Variants in IL1RAPL1 observed in about 807,000 individuals in gnomAD.
IL1RAPL1 encodes the protein interleukin-1 receptor accessory protein-like 1.
IL1RAPL1 carries 3 observed loss-of-function variants against 48.4 expected under a neutral mutation model. The ratio of observed to expected loss-of-function variants is 0.06; its 90% CI spans 0.03 to 0.16. IL1RAPL1 has a LOEUF of 0.16. IL1RAPL1 is among the 10% of genes least tolerant of loss of function. The pLI is 1.00. For synonymous variants in IL1RAPL1, 185 were observed against 187.7 expected, an observed-to-expected ratio of 0.99 and a Z score of 0.12; for missense variants, 349 against 530.6, an observed-to-expected ratio of 0.66 and a Z score of 3.36.
chrX:29,119,626 A>G (rs768579006), intron 2 of IL1RAPL1, among the ~76,000 whole-genome samples: 36 of 111,652 alleles, frequency 3.2e-4, no homozygotes, highest in African/African-American at 1.1e-3. Flanking sequence ...GTTCCAGGGT[A>G]CAAAAACCTG....
At chrX:29,014,910 C>T (rs1926206252) in intron 2 of IL1RAPL1, among the ~76,000 whole-genome samples, 1 of 111,297 alleles carries the variant, frequency 9.0e-6, no homozygotes, top group Non-Finnish European at 1.9e-5. Flanking sequence ...GACATAGTTG[C>T]TGCTAGTGCC....
At chrX:29,616,705 A>G (rs1471815463) in intron 5 of IL1RAPL1, among the ~76,000 whole-genome samples, 1 of 110,843 alleles carries the variant, frequency 9.0e-6, no homozygotes, top group Non-Finnish European at 1.9e-5. Context: ...AGGAAAGTCT[A>G]TCCCATAGTA....
chrX:29,333,289 CA>C (rs1463217297), intron 3 of IL1RAPL1, among the ~76,000 whole-genome samples: 8 of 106,879 alleles, frequency 7.5e-5, no homozygotes, highest in Non-Finnish European at 1.6e-4. Flanking sequence ...TGACCCCCCC[CA>C]CCATCCTCCC....
intron 5 of IL1RAPL1, among the ~76,000 whole-genome samples, chrX:29,407,073 T>C (rs1364336323): frequency 8.9e-6 from 1 of 112,034 alleles, no homozygotes; most frequent in Non-Finnish European, 1.9e-5. Context: ...CCAGTACATA[T>C]TTTTACTTAT....
intron 5 of IL1RAPL1, among the ~76,000 whole-genome samples, chrX:29,486,897 A>G (rs967045844): frequency 1.7e-4 from 19 of 111,643 alleles, no homozygotes; most frequent in African/African-American, 6.2e-4. Flanking sequence ...TAATGTACAC[A>G]TGAAACTCTT....
At chrX:29,595,110 C>T (rs1043747693) in intron 5 of IL1RAPL1, among the ~76,000 whole-genome samples, 1 of 112,411 alleles carries the variant, frequency 8.9e-6, no homozygotes, top group Admixed American at 9.4e-5. Flanking sequence ...ATATACACCA[C>T]ATTTTTCTTT....
chrX:29,336,463 C>T (rs923896387), intron 3 of IL1RAPL1, among the ~76,000 whole-genome samples: 1 of 107,491 alleles, frequency 9.3e-6, no homozygotes, highest in African/African-American at 3.4e-5. Context: ...ATGAATAGTT[C>T]GAAATGTAAA....
chrX:29,766,028 A>C (rs1171401075), intron 6 of IL1RAPL1, among the ~76,000 whole-genome samples: 1 of 109,870 alleles, frequency 9.1e-6, no homozygotes, highest in South Asian at 3.9e-4. Flanking sequence ...AAAAAAATAT[A>C]AATTTTTAAA....
chrX:29,126,161 A>G (rs1397573486), intron 2 of IL1RAPL1, among the ~76,000 whole-genome samples: 3 of 111,825 alleles, frequency 2.7e-5, no homozygotes, highest in Non-Finnish European at 3.8e-5. Flanking sequence ...CAGACTGTCA[A>G]AAGCCAACAG....
chrX:29,254,421 G>A (rs746391081), intron 2 of IL1RAPL1, among the ~76,000 whole-genome samples: 9 of 110,473 alleles, frequency 8.1e-5, no homozygotes, highest in South Asian at 7.7e-4. Flanking sequence ...AAATGTTTCC[G>A]TGTATATGTG....
intron 1 of IL1RAPL1, among the ~76,000 whole-genome samples, chrX:28,633,548 T>G (rs1210250229): frequency 8.9e-6 from 1 of 112,487 alleles, no homozygotes; most frequent in East Asian, 2.8e-4. Context: ...ATTTTTCACT[T>G]TATACTTCTT....
At chrX:29,105,133 A>T (rs1440544825) in intron 2 of IL1RAPL1, among the ~76,000 whole-genome samples, 3 of 111,690 alleles carry the variant, frequency 2.7e-5, no homozygotes, top group Non-Finnish European at 5.6e-5. Context: ...TTAGTTTTCT[A>T]TTCTCTATAT....
At chrX:29,612,319 A>C (rs1215639375) in intron 5 of IL1RAPL1, among the ~76,000 whole-genome samples, 1 of 110,702 alleles carries the variant, frequency 9.0e-6, no homozygotes, top group Non-Finnish European at 1.9e-5. Flanking sequence ...CAAAACATAC[A>C]TTTGCAAAAT....
At chrX:29,000,535 A>G (rs1228155982) in intron 2 of IL1RAPL1, among the ~76,000 whole-genome samples, 2 of 111,530 alleles carry the variant, frequency 1.8e-5, no homozygotes, top group African/African-American at 6.5e-5. Context: ...TGCTTAATGG[A>G]ATTGAGTAAT....
chrX:29,228,643 G>A (rs1405781349), intron 2 of IL1RAPL1, among the ~76,000 whole-genome samples: 2 of 110,702 alleles, frequency 1.8e-5, no homozygotes, highest in African/African-American at 3.3e-5. Context: ...GTGAGCCACC[G>A]CACCTGGCCA....
At chrX:29,202,211 A>G (rs1930569559) in intron 2 of IL1RAPL1, among the ~76,000 whole-genome samples, 1 of 112,243 alleles carries the variant, frequency 8.9e-6, no homozygotes, top group African/African-American at 3.2e-5. Context: ...GGACATGAAC[A>G]GAAACTTTTC....
chrX:28,872,189 T>C (rs201596701), intron 2 of IL1RAPL1, among the ~76,000 whole-genome samples: 1 of 23,814 alleles, frequency 4.2e-5, no homozygotes, highest in Non-Finnish European at 6.0e-5. Flanking sequence ...TTAAAAACAA[T>C]TTTTTTTTTT....
chrX:29,891,922 C>A (rs1372249557), intron 6 of IL1RAPL1, among the ~76,000 whole-genome samples: 1 of 111,672 alleles, frequency 9.0e-6, no homozygotes, highest in African/African-American at 3.3e-5. Context: ...TTTCCATGTA[C>A]CCCATACTCT....
At chrX:29,002,672 G>C (rs1461696665) in intron 2 of IL1RAPL1, among the ~76,000 whole-genome samples, 1 of 111,415 alleles carries the variant, frequency 9.0e-6, no homozygotes, top group Non-Finnish European at 1.9e-5. Flanking sequence ...GGAAAATTCT[G>C]CCAATGGTAG....
Sources: gnomAD v4.1 joint callset for allele counts (sites outside exome capture counted in the v4.1 genomes callset) on GRCh38, gnomAD v4.1.1 for gene constraint, MANE v1.5 for transcripts, NCBI Gene and HGNC (gene_info 2026-07-23, HGNC 2026-07-21) for gene names.